Variants in DRC9 observed in about 807,000 individuals in gnomAD.
DRC9 encodes the protein dynein regulatory complex protein 9.
At chr3:197,953,994 T>C in the DRC9 span, 3 of 1,612,138 alleles carry the variant, frequency 1.9e-6, no homozygotes, top group African/African-American at 4.0e-5. Flanking sequence ...TTTCCCTTTT[T>C]AAAATCAGCA....
At chr3:197,914,254 G>C in the DRC9 span, among the ~76,000 whole-genome samples, 1 of 152,122 alleles carries the variant, frequency 6.6e-6, no homozygotes, top group African/African-American at 2.4e-5. Context: ...GGCGCATCAG[G>C]GCTGTGAGAT....
the DRC9 span, among the ~76,000 whole-genome samples, chr3:197,933,759 T>G: frequency 6.6e-6 from 1 of 152,186 alleles, no homozygotes; most frequent in African/African-American, 2.4e-5. Flanking sequence ...ACTTTTATTA[T>G]GTGTTTGTGT....
the DRC9 span, among the ~76,000 whole-genome samples, chr3:197,908,453 C>A: frequency 3.4e-5 from 5 of 147,162 alleles, 2 homozygotes; most frequent in African/African-American, 1.3e-4. Context: ...GAAGAGCAAC[C>A]CTTTCCAAGG....
the DRC9 span, among the ~76,000 whole-genome samples, chr3:197,933,550 A>G: frequency 1.3e-5 from 2 of 152,214 alleles, no homozygotes; most frequent in African/African-American, 2.4e-5. Context: ...AAAAATTCAG[A>G]AAGTATAAAG....
chr3:197,946,281 A>G, the DRC9 span, among the ~76,000 whole-genome samples: 3 of 151,640 alleles, frequency 2.0e-5, no homozygotes, highest in Non-Finnish European at 4.4e-5. Context: ...TAAAAATACA[A>G]AAAATTAGCC....
chr3:197,940,061 T>G, the DRC9 span, among the ~76,000 whole-genome samples: 1 of 152,236 alleles, frequency 6.6e-6, no homozygotes. Context: ...TGGCACCATC[T>G]CCACTCACTG....
the DRC9 span, chr3:197,943,830 A>G: frequency 1.9e-6 from 3 of 1,614,178 alleles, no homozygotes; most frequent in Non-Finnish European, 2.5e-6. Flanking sequence ...GTAGTTCAGA[A>G]TAGAGAGCTG....
the DRC9 span, among the ~76,000 whole-genome samples, chr3:197,918,346 T>C: frequency 0.4 from 57,286 of 144,046 alleles, 15,662 homozygotes; most frequent in African/African-American, 0.79. Flanking sequence ...TCAAACAATC[T>C]ACCTGCCTCG....
chr3:197,890,404 C>CAA, the DRC9 span, among the ~76,000 whole-genome samples: 130 of 124,020 alleles, frequency 1.0e-3, no homozygotes, highest in Middle Eastern at 4.5e-3. Flanking sequence ...GATGCTGTCT[C>CAA]AAAAAAAAAA....
the DRC9 span, among the ~76,000 whole-genome samples, chr3:197,903,977 T>TAC: frequency 2.0e-5 from 3 of 147,934 alleles, no homozygotes; most frequent in African/African-American, 7.5e-5. Flanking sequence ...TATACATACA[T>TAC]ACATACACAC....
At chr3:197,900,776 CAG>C in the DRC9 span, among the ~76,000 whole-genome samples, 1 of 152,362 alleles carries the variant, frequency 6.6e-6, no homozygotes, top group African/African-American at 2.4e-5. The surrounding 1 kb of genome is among the most constrained non-coding windows in gnomAD (Gnocchi z 4.7). Flanking sequence ...GGGCTCTGGG[CAG>C]AGTCATGAGG....
chr3:197,945,520 G>C, the DRC9 span: 1 of 760,660 alleles, frequency 1.3e-6, no homozygotes, highest in Non-Finnish European at 2.2e-6. Flanking sequence ...AAGTTCTGGG[G>C]TAATCTGTTA....
the DRC9 span, chr3:197,951,478 G>C: frequency 1.4e-6 from 1 of 701,650 alleles, no homozygotes; most frequent in Non-Finnish European, 2.4e-6. Flanking sequence ...TCAGCCTCCC[G>C]AGTAGCTGGG....
chr3:197,950,823 C>G, the DRC9 span: 17 of 890,764 alleles, frequency 1.9e-5, no homozygotes, highest in South Asian at 2.3e-4. Context: ...TCCCCGAACT[C>G]CTACATGAAA....
chr3:197,918,269 T>TC, the DRC9 span, among the ~76,000 whole-genome samples: 2 of 135,082 alleles, frequency 1.5e-5, no homozygotes, highest in East Asian at 4.0e-4. Context: ...TTTTTTTTTT[T>TC]TTTTTTTTTT....
At chr3:197,903,547 A>G in the DRC9 span, among the ~76,000 whole-genome samples, 1 of 152,154 alleles carries the variant, frequency 6.6e-6, no homozygotes, top group Non-Finnish European at 1.5e-5. Flanking sequence ...GAGGCACGAG[A>G]ATCTCTTGAA....
chr3:197,938,723 T>C, the DRC9 span: 1 of 1,614,062 alleles, frequency 6.2e-7, no homozygotes, highest in African/African-American at 1.3e-5. Context: ...TTTGTGATTG[T>C]TGAGGCCATT....
chr3:197,896,666 T>C, the DRC9 span, among the ~76,000 whole-genome samples: 16 of 152,176 alleles, frequency 1.1e-4, no homozygotes, highest in Admixed American at 9.2e-4. Context: ...AAATCCCGTG[T>C]CTGGTGAGTG....
At chr3:197,927,343 C>T in the DRC9 span, among the ~76,000 whole-genome samples, 8 of 152,308 alleles carry the variant, frequency 5.3e-5, no homozygotes, top group South Asian at 4.1e-4. Flanking sequence ...TCTTCTGCCT[C>T]GGCCTCCTGA....
Sources: gnomAD v4.1 joint callset for allele counts (sites outside exome capture counted in the v4.1 genomes callset) on GRCh38, gnomAD v4.1.1 for gene constraint, Gnocchi (gnomAD v3.1) non-coding constraint, MANE v1.5 for transcripts, NCBI Gene and HGNC (gene_info 2026-07-23, HGNC 2026-07-21) for gene names.